TRPC5: variants seen among roughly 807,000 people sequenced by gnomAD.
TRPC5 encodes short transient receptor potential channel 5.
Under a neutral mutation model 56.5 loss-of-function variants are expected in TRPC5, and 9 were observed. The ratio of observed to expected loss-of-function variants is 0.16; its 90% CI spans 0.10 to 0.28. TRPC5 has a LOEUF of 0.28. Among genes scored for constraint, TRPC5 ranks in the 10% least tolerant of loss-of-function variants. The probability of loss-of-function intolerance (pLI) is 1.00; values close to 1 mark genes in which losing one functional copy is unlikely to be tolerated. For missense variants in TRPC5, 469 were observed against 748.9 expected (o/e 0.63, Z 4.36); for synonymous variants, 282 against 278.5 (o/e 1.01, Z -0.13).
At chrX:111,962,393 A>G (rs751696587) in intron 1 of TRPC5, among the ~76,000 whole-genome samples, 3 of 112,306 alleles carry the variant, frequency 2.7e-5, no homozygotes, top group Non-Finnish European at 3.8e-5. Context: ...AGATGTTCCA[A>G]TAGATGATAC....
intron 1 of TRPC5, among the ~76,000 whole-genome samples, chrX:112,056,369 C>T (rs769198617): frequency 1.8e-5 from 2 of 112,268 alleles, no homozygotes; most frequent in South Asian, 3.7e-4. Flanking sequence ...CTATAAACTT[C>T]GTAGAATTCT....
Position 111,817,609 on chromosome X carries a change from C to T in TRPC5, c.1896+17312G>A, listed in dbSNP as rs574251291. On this transcript the variant is annotated intron_variant, in intron 7 of 10. Transcript: ENST00000262839. ...AAAGTGCTGGTATTACAAGCATGAG[C>T]CACCGTGCCCGGCCTCTTTTCTGAT... Among the ~76,000 whole-genome samples the T allele has an allele frequency of 4.5e-3, 500 of 111,039 alleles. 15 individuals carry two copies. The highest frequency in any genetic ancestry group is 0.017 in the South Asian group (45 of 2,604).
chrX:111,786,270 G>T (rs1395881061), intron 7 of TRPC5, among the ~76,000 whole-genome samples: 3 of 111,255 alleles, frequency 2.7e-5, no homozygotes, highest in African/African-American at 9.8e-5. Context: ...TCAACATTCT[G>T]AAAGAAAAGA....
chrX:111,915,264 T>C (rs1194447035), intron 2 of TRPC5, among the ~76,000 whole-genome samples: 2 of 112,025 alleles, frequency 1.8e-5, no homozygotes, highest in Non-Finnish European at 3.8e-5. Context: ...TTTCTGAAAC[T>C]ACTCGATTAT....
At chrX:111,949,087 G>A (rs1048760787) in intron 2 of TRPC5, among the ~76,000 whole-genome samples, 1 of 111,849 alleles carries the variant, frequency 8.9e-6, no homozygotes, top group African/African-American at 3.3e-5. Context: ...TAAAGTGGGG[G>A]AAGGACACCC....
chrX:111,861,555 C>T (rs1232367332), intron 3 of TRPC5, among the ~76,000 whole-genome samples: 5 of 111,875 alleles, frequency 4.5e-5, no homozygotes, highest in East Asian at 2.8e-4. Context: ...TTTAATTACA[C>T]GTTATAATGG....
At chrX:112,022,767 G>T (rs1029300413) in intron 1 of TRPC5, among the ~76,000 whole-genome samples, 2 of 111,304 alleles carry the variant, frequency 1.8e-5, no homozygotes, top group African/African-American at 6.5e-5. Context: ...AATGGCCAGG[G>T]GATATACCAT....
chrX:111,887,737 G>A (rs1450293497), intron 3 of TRPC5, among the ~76,000 whole-genome samples: 1 of 111,954 alleles, frequency 8.9e-6, no homozygotes, highest in East Asian at 2.8e-4. Flanking sequence ...CTATAAAAAT[G>A]TAAGGAATTA....
chrX:111,934,655 T>C (rs1363449560), intron 2 of TRPC5, among the ~76,000 whole-genome samples: 1 of 111,257 alleles, frequency 9.0e-6, no homozygotes, highest in African/African-American at 3.3e-5. Context: ...ATCATTCTCA[T>C]CTCTATCTCC....
intron 3 of TRPC5, among the ~76,000 whole-genome samples, chrX:111,856,538 A>AAATAAT (rs750089190): frequency 0.047 from 4,466 of 95,075 alleles, 207 homozygotes; most frequent in African/African-American, 0.13. Context: ...GCCCTGTCTC[A>AAATAAT]AATAATAATA....
intron 1 of TRPC5, among the ~76,000 whole-genome samples, chrX:111,974,389 A>G: frequency 9.0e-6 from 1 of 111,268 alleles, no homozygotes; most frequent in Middle Eastern, 4.6e-3. Context: ...AGGGTCTTCC[A>G]TAGGTATTAA....
rs1186498788 is a variant in TRPC5, at chrX:111,782,806, AAC to A, written c.1897-670_1897-669del. Among the ~76,000 whole-genome samples the A allele has an allele frequency of 4.1e-3, 378 of 92,101 alleles. 2 individuals carry two copies. The highest frequency in any genetic ancestry group is 0.039 in the South Asian group (65 of 1,683). 80.0% of individuals were successfully genotyped at this position (92,101 alleles called of 115,157 possible). A position where few individuals can be genotyped will look rare whatever the true frequency, so the allele number is the denominator to read the frequency against. On this transcript the variant is annotated intron_variant, in intron 7 of 10. Coordinates refer to ENST00000262839, the MANE Select transcript of TRPC5 (RefSeq NM_012471.3). ...TACCCATGTAACAATCATTATAATC[AAC>A]ACACACACACACACACACACACACA... is the stretch of plus-strand genomic sequence containing the variant.
At chrX:111,893,225 C>G (rs2148608510) in intron 3 of TRPC5, among the ~76,000 whole-genome samples, 1 of 110,951 alleles carries the variant, frequency 9.0e-6, no homozygotes, top group South Asian at 3.8e-4. Flanking sequence ...AATAGAACCC[C>G]TTTTCCTGTT....
At chrX:112,018,656 A>G (rs1166088622) in intron 1 of TRPC5, among the ~76,000 whole-genome samples, 1 of 112,551 alleles carries the variant, frequency 8.9e-6, no homozygotes, top group African/African-American at 3.2e-5. Flanking sequence ...TTATTGCGGC[A>G]TAAAAATTAG....
intron 6 of TRPC5, among the ~76,000 whole-genome samples, chrX:111,839,544 G>C (rs2148579630): frequency 9.0e-6 from 1 of 111,722 alleles, no homozygotes; most frequent in South Asian, 3.8e-4. Context: ...ATTGTGCTAA[G>C]TGCTTTGCAT....
chrX:112,061,330 T>C (rs1393045823), intron 1 of TRPC5, among the ~76,000 whole-genome samples: 1 of 111,904 alleles, frequency 8.9e-6, no homozygotes, highest in Non-Finnish European at 1.9e-5. Flanking sequence ...GTACAAGTCC[T>C]GGGGGTATCC....
intron 7 of TRPC5, among the ~76,000 whole-genome samples, chrX:111,784,765 T>G (rs987089406): frequency 4.2e-4 from 47 of 112,770 alleles, no homozygotes; most frequent in African/African-American, 1.4e-3. Context: ...AGAAGAAGGT[T>G]CTCTCCCGTG....
intron 3 of TRPC5, among the ~76,000 whole-genome samples, chrX:111,871,514 C>T (rs1256249151): frequency 5.4e-5 from 6 of 110,909 alleles, no homozygotes; most frequent in Non-Finnish European, 9.4e-5. Context: ...TCAGTTTCCT[C>T]ATCGGCAAAA....
At chrX:111,898,452 CCT>C (rs1339037549) in intron 3 of TRPC5, among the ~76,000 whole-genome samples, 1 of 108,616 alleles carries the variant, frequency 9.2e-6, no homozygotes, top group Admixed American at 9.9e-5. Flanking sequence ...TTTTGTATCC[CCT>C]GTTTCCCACA....
Sources: allele counts gnomAD v4.1 joint callset (sites outside exome capture counted in the v4.1 genomes callset), GRCh38; gene constraint gnomAD v4.1.1; transcripts MANE v1.5; gene names NCBI Gene and HGNC (gene_info 2026-07-23, HGNC 2026-07-21).